PCSK6: variants seen among roughly 807,000 people sequenced by gnomAD.
PCSK6 encodes proprotein convertase subtilisin/kexin type 6.
In PCSK6, 85 loss-of-function variants were observed where a neutral mutation model predicts 123.3. The observed-to-expected ratio is 0.69, with a 90% CI of 0.58 to 0.83. The LOEUF is 0.83. Ranked by LOEUF, PCSK6 falls within the 40% of genes least tolerant of loss-of-function variation. The pLI, the probability that PCSK6 is intolerant of heterozygous loss-of-function variation, is 0.00. For synonymous variants in PCSK6, 508 were observed against 516.0 expected, an observed-to-expected ratio of 0.98 and a Z score of 0.21; for missense variants, 1,191 against 1,282.3, an observed-to-expected ratio of 0.93 and a Z score of 1.09.
At chr15:101,326,528 C>T in intron 15 of PCSK6, 49 bp from the exon 16 acceptor site, 2 of 1,485,916 alleles carry the variant, frequency 1.3e-6, no homozygotes, top group Non-Finnish European at 1.8e-6. Flanking sequence ...CCTTCTCCAT[C>T]TACTGCAGTC....
rs1253492776 is a variant in PCSK6 at position 101,370,539 on chromosome 15, G to A, written c.1533-16C>T. The A allele has an allele frequency of 3.5e-6, 5 of 1,447,848 alleles. No individual in the cohort carries two copies. The South Asian group carries it at 7.3e-5, about 21-fold the overall frequency. The allele number at this position is 1,447,848 out of a possible 1,614,324, so 89.7% of individuals were successfully genotyped here. A position where few individuals can be genotyped will look rare whatever the true frequency, so the allele number is the denominator to read the frequency against. On this transcript the variant is annotated splice_polypyrimidine_tract_variant and intron_variant, in intron 11 of 21. Transcript: ENST00000611716. ...GGGGATGCTCCTGGGGGAGAAGGGA[G>A]GGCTCAGCACTTGGCACCGGAAGCA...
At chr15:101,321,877 C>T (rs1430984750) in intron 18 of PCSK6, among the ~76,000 whole-genome samples, 1 of 152,208 alleles carries the variant, frequency 6.6e-6, no homozygotes, top group African/African-American at 2.4e-5. Context: ...AAATTTTGAA[C>T]AGAATGTTCT....
rs192042730 is a variant in PCSK6, at chr15:101,453,538, G to A, written c.298-9878C>T. Among the ~76,000 whole-genome samples, 276 of 152,310 alleles carry A rather than the reference G, an allele frequency of 1.8e-3. 2 individuals carry two copies. The highest frequency in any genetic ancestry group is 6.1e-3 in the African/African-American group (254 of 41,576). Reference sequence around the variant, plus strand: ...GGAGGCTCCAGGAACCCAGAACTGCGAGATCTCCTGAACTCTTCCAGAGAA... The same window carrying A: ...GGAGGCTCCAGGAACCCAGAACTGCAAGATCTCCTGAACTCTTCCAGAGAA... On this transcript the variant is annotated intron_variant, in intron 1 of 21. Coordinates refer to ENST00000611716, the MANE Select transcript of PCSK6 (RefSeq NM_002570.5).
intron 2 of PCSK6, among the ~76,000 whole-genome samples, chr15:101,432,643 CAGAG>C (rs970623817): frequency 2.7e-5 from 4 of 147,858 alleles, no homozygotes; most frequent in Non-Finnish European, 6.0e-5. Flanking sequence ...AAAAAAAAGA[CAGAG>C]AGAGAGAGAG....
chr15:101,312,670 A>G (rs184835807), intron 20 of PCSK6, among the ~76,000 whole-genome samples: 21 of 152,266 alleles, frequency 1.4e-4, no homozygotes, highest in African/African-American at 4.8e-4. Context: ...GTCTCTATTA[A>G]AAATACAAAC....
chr15:101,342,897 G>A (rs1049785276), intron 13 of PCSK6, among the ~76,000 whole-genome samples: 8 of 141,884 alleles, frequency 5.6e-5, no homozygotes, highest in South Asian at 2.1e-4. Flanking sequence ...GTGAGACTCC[G>A]TCTCAAAAAA....
chr15:101,475,841 A>T (rs1164634515), intron 1 of PCSK6, among the ~76,000 whole-genome samples: 2 of 152,098 alleles, frequency 1.3e-5, no homozygotes, highest in Admixed American at 1.3e-4. Flanking sequence ...TATTAAAACA[A>T]CCACCAGATC....
chr15:101,366,287 C>T lies in PCSK6; in HGVS notation c.1767G>A (p.Met589Ile). ...SNEGFTNWEF[M>I]TVHCWGEKAE... is the part of the protein sequence containing the mutation. ...CCTTTTCTCCCCAGCAGTGGACAGT[C>T]ATGAATTCCCAGTTTGTAAACCCTT... The change falls in exon 13 of 22, where the codon ATG (methionine) becomes ATA (isoleucine). Residue 589 changes from methionine (M) to isoleucine (I), a missense_variant. This residue lies in a region of PCSK6 where 630 missense variants were observed against 631.4 expected (regional missense o/e 1.00). Transcript: ENST00000611716. 3.7e-6 allele frequency: 6 copies of T among 1,613,524 alleles called. No individual in the cohort carries two copies. The highest frequency in any genetic ancestry group is 5.1e-6 in the Non-Finnish European group (6 of 1,179,688).
intron 11 of PCSK6, among the ~76,000 whole-genome samples, chr15:101,372,037 G>C (rs1441626221): frequency 6.6e-6 from 1 of 152,086 alleles, no homozygotes; most frequent in Non-Finnish European, 1.5e-5. Flanking sequence ...AGACTCCCCA[G>C]ACCAAGCAGA....
chr15:101,379,872 T>C (rs1422072164), intron 11 of PCSK6, among the ~76,000 whole-genome samples: 1 of 152,000 alleles, frequency 6.6e-6, no homozygotes, highest in Non-Finnish European at 1.5e-5. Flanking sequence ...TGGCTGGAGC[T>C]CCCTGCCAGG....
chr15:101,346,759 T>G (rs578033156), intron 13 of PCSK6: 2 of 1,230,116 alleles, frequency 1.6e-6, no homozygotes, highest in African/African-American at 3.1e-5. Context: ...TAGTATTTTA[T>G]TTGCAAAAAT....
chr15:101,326,967 C>CA (rs995916063), intron 15 of PCSK6, among the ~76,000 whole-genome samples: 198 of 152,178 alleles, frequency 1.3e-3, no homozygotes, highest in African/African-American at 4.4e-3. Context: ...ATTAGGTAGC[C>CA]CCCCCGCAAC....
In PCSK6 at chr15:101,396,685, GCACT is replaced by G. The variant is rs1190209021; in HGVS notation, c.996+1715_996+1718del. On this transcript the variant is annotated intron_variant, in intron 7 of 21. Transcript: ENST00000611716. The stretch of plus-strand genomic sequence containing the variant: ...GACTTGGTCATACCCGAGTGTGCCA[GCACT>G]CACTCAGCCCAGCCTTGGGCCTGGC... Among the ~76,000 whole-genome samples, 5 of 152,166 alleles carry G rather than the reference GCACT, an allele frequency of 3.3e-5. No homozygotes were observed. The East Asian group carries it at 9.7e-4, about 30-fold the overall frequency.
intron 19 of PCSK6, among the ~76,000 whole-genome samples, chr15:101,314,457 G>A (rs1306071191): frequency 1.3e-5 from 2 of 152,236 alleles, no homozygotes; most frequent in Non-Finnish European, 2.9e-5. Flanking sequence ...CAATGCCCAG[G>A]TAAACCTCCT....
chr15:101,459,446 T>G (rs142644068), intron 1 of PCSK6, among the ~76,000 whole-genome samples: 1 of 50,724 alleles, frequency 2.0e-5, no homozygotes, highest in Admixed American at 1.9e-4. Context: ...TAAGTCCACA[T>G]CACCTGCTGC....
At chr15:101,338,364 C>CA (rs1225811302) in intron 13 of PCSK6, among the ~76,000 whole-genome samples, 1 of 132,150 alleles carries the variant, frequency 7.6e-6, no homozygotes, top group African/African-American at 3.9e-5. Flanking sequence ...ACAGTGTCGG[C>CA]CCCCCACAGC....
At chr15:101,452,000 T>A (rs1217600000) in intron 1 of PCSK6, among the ~76,000 whole-genome samples, 1 of 152,246 alleles carries the variant, frequency 6.6e-6, no homozygotes, top group Non-Finnish European at 1.5e-5. Context: ...AAGCATTTTT[T>A]AAAAACTGCT....
chr15:101,479,365 G>T (rs1445954446), intron 1 of PCSK6, among the ~76,000 whole-genome samples: 4 of 152,274 alleles, frequency 2.6e-5, no homozygotes, highest in African/African-American at 9.6e-5. Flanking sequence ...AAAAGTGAAG[G>T]GTTCTGGGTG....
intron 8 of PCSK6, among the ~76,000 whole-genome samples, chr15:101,391,298 G>A (rs1016791347): frequency 3.3e-5 from 5 of 152,228 alleles, no homozygotes; most frequent in African/African-American, 1.2e-4. Context: ...CTTGGGCTTG[G>A]TAAATGGTGG....
Sources: gnomAD v4.1 joint callset for allele counts (sites outside exome capture counted in the v4.1 genomes callset) on GRCh38, gnomAD v4.1.1 for gene constraint, gnomAD v4.1.1 regional missense constraint, MANE v1.5 for transcripts, NCBI Gene and HGNC (gene_info 2026-07-23, HGNC 2026-07-21) for gene names.